The following ATF7IP variants were observed in gnomAD, a reference collection of about 807,000 sequenced individuals.
ATF7IP encodes the protein activating transcription factor 7-interacting protein 1.
A neutral mutation model predicts 106.4 loss-of-function variants in ATF7IP; 23 were observed. That is an observed-to-expected ratio of 0.22 (90% CI 0.16 to 0.31). The LOEUF (loss-of-function observed/expected upper bound fraction) is 0.31, where lower values mean the gene tolerates loss of function less well. ATF7IP is among the 10% of genes least tolerant of loss of function. ATF7IP has a pLI of 1.00. For missense variants in ATF7IP, 1,334 were observed against 1,524.3 expected, an observed-to-expected ratio of 0.88 and a Z score of 2.08; for synonymous variants, 542 against 539.0, an observed-to-expected ratio of 1.01 and a Z score of -0.08.
intron 1 of ATF7IP, among the ~76,000 whole-genome samples, chr12:14,376,214 TG>T (rs767213221): frequency 3.9e-5 from 6 of 152,222 alleles, no homozygotes; most frequent in Non-Finnish European, 5.9e-5. Context: ...GCATTTATTT[TG>T]GGCACTAATT....
Position 14,389,315 on chromosome 12 carries a change from G to A in ATF7IP, c.-8+23488G>A, listed in dbSNP as rs147726144. Among the ~76,000 whole-genome samples the A allele has an allele frequency of 5.0e-3, 762 of 152,292 alleles. 7 individuals are homozygous for A. The highest frequency in any genetic ancestry group is 7.1e-3 in the Non-Finnish European group (483 of 68,030). On this transcript the variant is annotated intron_variant, in intron 1 of 14. Coordinates refer to ENST00000261168, the MANE Select transcript of ATF7IP (RefSeq NM_018179.5). ...TAGCATAAATTAGCCATCCTTTGTT[G>A]TGTATGGATATGGCAGATGTATTTA...
At chr12:14,379,260 A>G (rs1938902068) in intron 1 of ATF7IP, among the ~76,000 whole-genome samples, 2 of 152,114 alleles carry the variant, frequency 1.3e-5, no homozygotes, top group African/African-American at 2.4e-5. Context: ...TGCCTCTGCC[A>G]TGTGATGTGC....
At chr12:14,374,272 ATTTTT>A (rs563859251) in intron 1 of ATF7IP, among the ~76,000 whole-genome samples, 4 of 105,446 alleles carry the variant, frequency 3.8e-5, no homozygotes, top group African/African-American at 6.9e-5. Context: ...TAATTTTGTA[ATTTTT>A]TTTTTTTTTT....
chr12:14,475,574 A>G (rs1252651355), intron 10 of ATF7IP, among the ~76,000 whole-genome samples: 4 of 152,218 alleles, frequency 2.6e-5, no homozygotes, highest in East Asian at 1.9e-4. Flanking sequence ...AGTAGTATTG[A>G]TCAACATTTT....
intron 1 of ATF7IP, among the ~76,000 whole-genome samples, chr12:14,387,890 C>T (rs899092725): frequency 2.6e-5 from 4 of 152,164 alleles, no homozygotes; most frequent in Non-Finnish European, 5.9e-5. Context: ...GCATAAGCCT[C>T]TAAGAGAAAT....
At chr12:14,475,864 TA>T in intron 10 of ATF7IP, 25 bp from the exon 11 acceptor site, 1 of 1,589,444 alleles carries the variant, frequency 6.3e-7, no homozygotes, top group Non-Finnish European at 8.6e-7. Flanking sequence ...GTTTTCTTTG[TA>T]AAATGTAGAA....
chr12:14,487,458 C>T (rs1944659627), intron 13 of ATF7IP, among the ~76,000 whole-genome samples: 1 of 152,150 alleles, frequency 6.6e-6, no homozygotes, highest in South Asian at 2.1e-4. Flanking sequence ...CTGGCAACTG[C>T]CTCAGAGGAG....
intron 8 of ATF7IP, among the ~76,000 whole-genome samples, chr12:14,459,052 A>G (rs1349857127): frequency 6.6e-6 from 1 of 152,202 alleles, no homozygotes; most frequent in Admixed American, 6.5e-5. Flanking sequence ...GACAGATACA[A>G]GTTTTTTCTA....
In ATF7IP at chr12:14,376,386, C is replaced by T. The variant is rs115494435; in HGVS notation, c.-8+10559C>T. 2.8e-4 allele frequency among the ~76,000 whole-genome samples: 42 copies of T among 152,286 alleles called. No homozygotes were observed. The East Asian group carries it at 4.4e-3, about 16-fold the overall frequency. On this transcript the variant is annotated intron_variant, in intron 1 of 14. Transcript: ENST00000261168. Reference sequence around the variant, plus strand: ...CCATAAAGTTTGTTAAATGATTTTCCGATTTGGTATATTTTCATGTTTTCT... The same window carrying T: ...CCATAAAGTTTGTTAAATGATTTTCTGATTTGGTATATTTTCATGTTTTCT...
Position 14,424,257 on chromosome 12 carries a change from C to T in ATF7IP, c.342C>T (p.Pro114=). Residue 114 remains proline (P), a synonymous_variant, in exon 2 of 15, where the codon CCC becomes CCT. Transcript: ENST00000261168. ...DDDLNCEPLS[P]HNITPEPVSK... is the part of the protein sequence containing the mutation. ...ATTTAAATTGTGAACCTTTGTCTCC[C>T]CATAATATAACTCCAGAACCAGTCT... 1 of 1,614,160 alleles carries T rather than the reference C, an allele frequency of 6.2e-7. No homozygotes were observed. The highest frequency in any genetic ancestry group is 8.5e-7 in the Non-Finnish European group (1 of 1,180,032).
intron 1 of ATF7IP, 121 bp from the exon 2 acceptor site, chr12:14,423,786 CTA>C: frequency 9.2e-7 from 1 of 1,081,878 alleles, no homozygotes; most frequent in Admixed American, 3.1e-5. Flanking sequence ...AGTAGGTTTT[CTA>C]TGTCTTAAAC....
rs193097616 is a variant in ATF7IP, at chr12:14,437,926, G to A, written c.1792-204G>A. Among the ~76,000 whole-genome samples, 1,454 of 151,536 alleles carry A rather than the reference G, an allele frequency of 9.6e-3. 18 individuals are homozygous for A. Among genetic ancestry groups the A allele is most frequent in the Middle Eastern group, 0.065 (19 of 292 alleles). The stretch of plus-strand genomic sequence containing the variant: ...AAATTAGCCGGGCGTAGTGGCGGGC[G>A]CCTGTAGTCCCAGCTACTTGGGAGG... On this transcript the variant is annotated intron_variant, in intron 4 of 14. Transcript: ENST00000261168.
intron 1 of ATF7IP, among the ~76,000 whole-genome samples, chr12:14,374,774 A>G (rs960163747): frequency 4.6e-5 from 7 of 152,294 alleles, no homozygotes; most frequent in African/African-American, 1.7e-4. Flanking sequence ...AATAAAAGTC[A>G]TAGTTGCCAT....
chr12:14,494,331 A>ATGTGTG (rs1207326378), intron 13 of ATF7IP, among the ~76,000 whole-genome samples: 113 of 90,542 alleles, frequency 1.2e-3, no homozygotes, highest in African/African-American at 2.1e-3. Context: ...ATATATATAT[A>ATGTGTG]TATGTGTGTG....
chr12:14,502,898 T>A lies in ATF7IP; in HGVS notation c.*4825T>A, dbSNP rs1014406813. The A allele has an allele frequency of 5.3e-5, 8 of 152,164 alleles. No individual in the cohort carries two copies. Among genetic ancestry groups the A allele is most frequent in the Admixed American group, 3.9e-4 (6 of 15,262 alleles). The allele number at this position is 152,164 out of a possible 1,614,324, so 9.4% of individuals were successfully genotyped here. The stretch of plus-strand genomic sequence containing the variant: ...GGGTTTTGTCCAGCAAGCCTGAAAT[T>A]TATACTTTGAAATAAAACTACTGGG... On this transcript the variant is annotated 3_prime_UTR_variant, in exon 15 of 15. Coordinates refer to ENST00000261168, the MANE Select transcript of ATF7IP (RefSeq NM_018179.5).
At chr12:14,485,230 C>T (rs533133496) in intron 13 of ATF7IP, among the ~76,000 whole-genome samples, 1 of 152,118 alleles carries the variant, frequency 6.6e-6, no homozygotes, top group South Asian at 2.1e-4. Context: ...GGCAGCCTTT[C>T]AGGTCACTCG....
At chr12:14,423,880 T>G (rs1283199372) in intron 1 of ATF7IP, 29 bp from the exon 2 acceptor site, 1 of 1,540,008 alleles carries the variant, frequency 6.5e-7, no homozygotes, top group East Asian at 2.3e-5. Flanking sequence ...GTTTCAGTTA[T>G]TAAACTCTCT....
chr12:14,409,608 C>G (rs190883160), intron 1 of ATF7IP, among the ~76,000 whole-genome samples: 2 of 152,148 alleles, frequency 1.3e-5, no homozygotes, highest in Admixed American at 6.5e-5. Context: ...TACTGCAATC[C>G]TGCAAGATGA....
intron 13 of ATF7IP, among the ~76,000 whole-genome samples, chr12:14,484,716 G>C (rs997230541): frequency 6.6e-6 from 1 of 152,180 alleles, no homozygotes; most frequent in Non-Finnish European, 1.5e-5. Context: ...GGAAGAGAAC[G>C]CAGCGTGACA....
Sources: allele counts gnomAD v4.1 joint callset (sites outside exome capture counted in the v4.1 genomes callset), GRCh38; gene constraint gnomAD v4.1.1; transcripts MANE v1.5; gene names NCBI Gene and HGNC (gene_info 2026-07-23, HGNC 2026-07-21).